Variants in KIAA0825 observed in about 807,000 individuals in gnomAD.
KIAA0825 encodes KIAA0825.
Under a neutral mutation model 147.6 loss-of-function variants are expected in KIAA0825, and 119 were observed. That is an observed-to-expected ratio of 0.81 (90% CI 0.69 to 0.94). KIAA0825 has a LOEUF of 0.94. KIAA0825 is among the 40% of genes least tolerant of loss of function. KIAA0825 has a pLI of 0.00. For missense variants in KIAA0825, 1,381 were observed against 1,472.7 expected (o/e 0.94, Z 1.02); for synonymous variants, 470 against 518.1 (o/e 0.91, Z 1.26).
intron 2 of KIAA0825, chr5:94,570,062 C>T (rs1452085962): frequency 1.3e-5 from 2 of 152,544 alleles, no homozygotes; most frequent in African/African-American, 4.8e-5. Flanking sequence ...AAGACCCACC[C>T]TCACACGATT....
chr5:94,363,610 G>T (rs984799581), intron 20 of KIAA0825, among the ~76,000 whole-genome samples: 1 of 152,156 alleles, frequency 6.6e-6, no homozygotes, highest in Non-Finnish European at 1.5e-5. Context: ...ATGGGACCAG[G>T]TGTGGTAGCT....
chr5:94,299,408 T>TG (rs751407650), intron 20 of KIAA0825, among the ~76,000 whole-genome samples: 30 of 151,376 alleles, frequency 2.0e-4, no homozygotes, highest in Non-Finnish European at 3.0e-4. Flanking sequence ...TTTTTAGAGA[T>TG]GGGGGTCTCA....
At chr5:94,461,715 T>C (rs1023331103) in intron 12 of KIAA0825, among the ~76,000 whole-genome samples, 7 of 151,914 alleles carry the variant, frequency 4.6e-5, no homozygotes, top group Non-Finnish European at 8.8e-5. Context: ...TAATTTATCC[T>C]TAGAAATAGA....
intron 9 of KIAA0825, among the ~76,000 whole-genome samples, chr5:94,471,091 G>A (rs1040440173): frequency 2.0e-5 from 3 of 152,034 alleles, no homozygotes; most frequent in African/African-American, 4.8e-5. Context: ...TTCTAAGTCC[G>A]CTCCACGAGA....
chr5:94,414,161 T>G (rs947177100), intron 15 of KIAA0825: 6 of 152,130 alleles, frequency 3.9e-5, no homozygotes, highest in African/African-American at 1.4e-4. Flanking sequence ...TCCCAAAGGT[T>G]GGGAGAAAGT....
At chr5:94,483,828 A>G (rs1451532977) in intron 6 of KIAA0825, among the ~76,000 whole-genome samples, 1 of 151,788 alleles carries the variant, frequency 6.6e-6, no homozygotes, top group East Asian at 1.9e-4. Flanking sequence ...AAGAGTAAAC[A>G]TAATAAGTGA....
chr5:94,513,665 C>T (rs1766812272), intron 5 of KIAA0825, among the ~76,000 whole-genome samples: 1 of 151,710 alleles, frequency 6.6e-6, no homozygotes, highest in Non-Finnish European at 1.5e-5. Context: ...AGAGTCCATG[C>T]AGCAGAAAAA....
At chr5:94,232,699 T>C (rs1774794397) in intron 20 of KIAA0825, among the ~76,000 whole-genome samples, 1 of 152,098 alleles carries the variant, frequency 6.6e-6, no homozygotes, top group African/African-American at 2.4e-5. Context: ...CTCAGGATGT[T>C]TATTTGTTTT....
rs1760297700 is a variant in KIAA0825 at position 94,464,917 on chromosome 5, G to A, written c.2015C>T (p.Ser672Phe). ...GCTGGGGTGGGCCCGAGCGTATCTG[G>A]AGGCCAGTAGACTCAAAGATTTCTC... The part of the protein sequence containing the change: ...VLEKSLSLLA[S>F]RYARAHPSRK... Residue 672 changes from serine to phenylalanine, a missense_variant, in exon 11 of 21, where the codon TCC (serine) becomes TTC (phenylalanine). By Grantham distance (155) the Ser-to-Phe change is radical (BLOSUM62 -2). Coordinates refer to ENST00000682413, the MANE Select transcript of KIAA0825 (RefSeq NM_001145678.3). 3 of 1,551,468 alleles carry A rather than the reference G, an allele frequency of 1.9e-6. No individual in the cohort carries two copies. Among genetic ancestry groups the A allele is most frequent in the African/African-American group, 2.7e-5 (2 of 73,010 alleles).
At chr5:94,515,612 T>C (rs534775412) in intron 5 of KIAA0825, among the ~76,000 whole-genome samples, 1 of 148,324 alleles carries the variant, frequency 6.7e-6, no homozygotes, top group Non-Finnish European at 1.5e-5. Flanking sequence ...GCCAGAATGG[T>C]GAAATCCCGT....
intron 20 of KIAA0825, among the ~76,000 whole-genome samples, chr5:94,213,172 A>C (rs13163610): frequency 0.11 from 15,985 of 151,558 alleles, 954 homozygotes; most frequent in Middle Eastern, 0.14. Flanking sequence ...CCACAAAAGG[A>C]TTTTTCTCTG....
chr5:94,327,483 A>G (rs1177803315), intron 20 of KIAA0825, among the ~76,000 whole-genome samples: 2 of 152,178 alleles, frequency 1.3e-5, no homozygotes, highest in African/African-American at 4.8e-5. Flanking sequence ...ACAATGAGAA[A>G]TCGTGACTTT....
At chr5:94,410,331 C>T (rs1056573107) in intron 15 of KIAA0825, among the ~76,000 whole-genome samples, 3 of 152,000 alleles carry the variant, frequency 2.0e-5, no homozygotes, top group South Asian at 2.1e-4. Context: ...CACTGACCTA[C>T]GGGACAATGC....
intron 20 of KIAA0825, among the ~76,000 whole-genome samples, chr5:94,321,075 A>G (rs1048502046): frequency 6.6e-6 from 1 of 152,040 alleles, no homozygotes; most frequent in Non-Finnish European, 1.5e-5. Context: ...ATATTTTACT[A>G]TTTGACAGTT....
chr5:94,237,407 G>T (rs1369591081), intron 20 of KIAA0825, among the ~76,000 whole-genome samples: 1 of 152,144 alleles, frequency 6.6e-6, no homozygotes, highest in South Asian at 2.1e-4. Context: ...GGCAAAGGGG[G>T]AACAACTACA....
intron 5 of KIAA0825, among the ~76,000 whole-genome samples, chr5:94,508,843 C>A (rs1234144923): frequency 6.6e-6 from 1 of 152,154 alleles, no homozygotes. Flanking sequence ...CCACACACAG[C>A]CATTAGAGAA....
intron 20 of KIAA0825, among the ~76,000 whole-genome samples, chr5:94,362,872 G>A (rs746467508): frequency 6.6e-6 from 1 of 152,182 alleles, no homozygotes; most frequent in East Asian, 1.9e-4. Context: ...TATTTTGTGG[G>A]CTATATAATG....
chr5:94,443,859 C>T (rs1757412601), intron 13 of KIAA0825, among the ~76,000 whole-genome samples: 1 of 152,136 alleles, frequency 6.6e-6, no homozygotes, highest in Admixed American at 6.6e-5. Context: ...ATATGAGTAG[C>T]CTTATTGCTC....
chr5:94,438,590 G>C (rs1487743926), intron 14 of KIAA0825, among the ~76,000 whole-genome samples: 1 of 152,104 alleles, frequency 6.6e-6, no homozygotes, highest in Non-Finnish European at 1.5e-5. Flanking sequence ...GAGGAGTTGT[G>C]ATGACCTTTG....
Sources: gnomAD v4.1 joint callset for allele counts (sites outside exome capture counted in the v4.1 genomes callset) on GRCh38, gnomAD v4.1.1 for gene constraint, MANE v1.5 for transcripts, NCBI Gene and HGNC (gene_info 2026-07-23, HGNC 2026-07-21) for gene names.